Variants in GTF2F2 observed in about 807,000 individuals in gnomAD.
GTF2F2 encodes the protein ATP-dependent helicase GTF2F2.
In GTF2F2, 23 loss-of-function variants were observed where a neutral mutation model predicts 42.2. The observed-to-expected ratio is 0.55, with a 90% CI of 0.39 to 0.77. The LOEUF (loss-of-function observed/expected upper bound fraction) is 0.77, where lower values mean the gene tolerates loss of function less well. Among genes scored for constraint, GTF2F2 ranks in the 30% least tolerant of loss-of-function variants. The probability of loss-of-function intolerance (pLI) is 0.00; values close to 1 mark genes in which losing one functional copy is unlikely to be tolerated. For synonymous variants in GTF2F2, 105 were observed against 100.8 expected (o/e 1.04, Z -0.25); for missense variants, 261 against 287.2 (o/e 0.91, Z 0.66).
At chr13:45,188,819 A>G (rs141462500) in intron 4 of GTF2F2, among the ~76,000 whole-genome samples, 24 of 151,900 alleles carry the variant, frequency 1.6e-4, no homozygotes, top group East Asian at 9.7e-4. Context: ...AAGTTAACCT[A>G]TTTTTCACCA....
chr13:45,204,029 A>G (rs1447014860), intron 4 of GTF2F2, among the ~76,000 whole-genome samples: 1 of 152,128 alleles, frequency 6.6e-6, no homozygotes, highest in Non-Finnish European at 1.5e-5. Context: ...CTCATTCTCT[A>G]GAAATTTCTT....
intron 4 of GTF2F2, among the ~76,000 whole-genome samples, chr13:45,190,009 G>A (rs1235578062): frequency 2.0e-5 from 3 of 152,142 alleles, no homozygotes; most frequent in Admixed American, 6.6e-5. Flanking sequence ...AGACAAATGG[G>A]ATCTAATTAA....
At chr13:45,126,134 G>T (rs1409760772) in intron 1 of GTF2F2, among the ~76,000 whole-genome samples, 1 of 151,944 alleles carries the variant, frequency 6.6e-6, no homozygotes, top group African/African-American at 2.4e-5. Context: ...CCACTTCAGT[G>T]CTTTTAATTT....
chr13:45,195,518 A>G (rs1345024230), intron 4 of GTF2F2, among the ~76,000 whole-genome samples: 1 of 148,442 alleles, frequency 6.7e-6, no homozygotes, highest in Non-Finnish European at 1.5e-5. Context: ...TGTCATGGGT[A>G]AGTTAGTTTC....
chr13:45,136,635 T>G, intron 1 of GTF2F2, 98 bp from the exon 2 acceptor site: 1 of 668,088 alleles, frequency 1.5e-6, no homozygotes, highest in Admixed American at 2.7e-5. Context: ...TGATCCCTTA[T>G]TAGAGGCAGA....
At chr13:45,225,608 T>C (rs1874306113) in intron 5 of GTF2F2, among the ~76,000 whole-genome samples, 1 of 125,652 alleles carries the variant, frequency 8.0e-6, no homozygotes, top group African/African-American at 3.6e-5. Flanking sequence ...TGAAGCTCTG[T>C]CTCAAAAAAA....
intron 2 of GTF2F2, 90 bp downstream of exon 2, chr13:45,136,896 A>C: frequency 1.3e-6 from 1 of 758,600 alleles, no homozygotes; most frequent in East Asian, 2.6e-5. Flanking sequence ...TTCTGATCAG[A>C]GTTTACTTGG....
At chr13:45,205,905 A>T (rs1227289949) in intron 4 of GTF2F2, among the ~76,000 whole-genome samples, 1 of 152,112 alleles carries the variant, frequency 6.6e-6, no homozygotes, top group Non-Finnish European at 1.5e-5. Context: ...GATTTTCCCA[A>T]ATCTTGCTAT....
intron 7 of GTF2F2, among the ~76,000 whole-genome samples, chr13:45,274,152 C>T (rs189677559): frequency 6.2e-4 from 94 of 152,120 alleles, no homozygotes; most frequent in African/African-American, 2.2e-3. Context: ...TGTCCCAAGA[C>T]AGCGAGTTCA....
chr13:45,263,270 C>T (rs1324533615), intron 6 of GTF2F2, among the ~76,000 whole-genome samples: 1 of 151,856 alleles, frequency 6.6e-6, no homozygotes, highest in African/African-American at 2.4e-5. Flanking sequence ...CTCTGTCACC[C>T]AGGCTAGAGT....
intron 5 of GTF2F2, chr13:45,219,541 T>C (rs1226206080): frequency 6.6e-6 from 1 of 152,218 alleles, no homozygotes; most frequent in Non-Finnish European, 1.5e-5. Flanking sequence ...TTTATCTAAT[T>C]TCTGATTTTT....
At chr13:45,213,930 TC>T (rs1212247747) in intron 5 of GTF2F2, among the ~76,000 whole-genome samples, 1 of 152,180 alleles carries the variant, frequency 6.6e-6, no homozygotes, top group Non-Finnish European at 1.5e-5. Context: ...CATCAACAAA[TC>T]TGTTTTTCAA....
chr13:45,205,388 G>C (rs1345964914), intron 4 of GTF2F2, among the ~76,000 whole-genome samples: 1 of 152,174 alleles, frequency 6.6e-6, no homozygotes, highest in Non-Finnish European at 1.5e-5. Flanking sequence ...CTTGACACGT[G>C]GGGATTATAA....
intron 5 of GTF2F2, among the ~76,000 whole-genome samples, chr13:45,243,957 T>C (rs867913675): frequency 9.2e-5 from 14 of 152,190 alleles, no homozygotes; most frequent in Non-Finnish European, 1.8e-4. Flanking sequence ...CACTGCGCCC[T>C]GCCAGTTTTT....
chr13:45,132,469 C>T (rs547150351), intron 1 of GTF2F2, among the ~76,000 whole-genome samples: 1 of 150,540 alleles, frequency 6.6e-6, no homozygotes, highest in East Asian at 1.9e-4. Flanking sequence ...TTTGCCACAT[C>T]GGCCTCTTCA....
chr13:45,262,936 G>C (rs1876406508), intron 6 of GTF2F2, among the ~76,000 whole-genome samples: 6 of 151,640 alleles, frequency 4.0e-5, no homozygotes, highest in Admixed American at 2.6e-4. Context: ...TTATTGCCCA[G>C]ACTGGTCTCA....
chr13:45,184,630 A>G (rs770390934), intron 4 of GTF2F2, among the ~76,000 whole-genome samples: 3 of 152,202 alleles, frequency 2.0e-5, no homozygotes, highest in African/African-American at 4.8e-5. Context: ...TGTTTGATGC[A>G]TATTCATTTT....
intron 5 of GTF2F2, among the ~76,000 whole-genome samples, chr13:45,245,669 ATATATAT>A (rs1566149409): frequency 2.9e-4 from 9 of 31,160 alleles, no homozygotes; most frequent in African/African-American, 9.3e-4. Flanking sequence ...TGGTGTGAAT[ATATATAT>A]ATATATATAT....
rs565473337 is a variant in GTF2F2 at position 45,284,230 on chromosome 13, A to G, written c.*669A>G. On this transcript the variant is annotated 3_prime_UTR_variant, in exon 8 of 8. Transcript: ENST00000340473. ...TAATTAGAAATTAAATATCTTTCCAAAATTTGAAGATATGTCTCCCCCAGT... is the reference window on the plus strand; with the variant it reads ...TAATTAGAAATTAAATATCTTTCCAGAATTTGAAGATATGTCTCCCCCAGT... The G allele has an allele frequency of 6.6e-6, 1 of 152,278 alleles. No homozygotes were observed. The highest frequency in any genetic ancestry group is 2.1e-4 in the South Asian group (1 of 4,826). 9.4% of individuals were successfully genotyped at this position (152,278 alleles called of 1,614,324 possible). A position where few individuals can be genotyped will look rare whatever the true frequency, so the allele number is the denominator to read the frequency against.
Sources: gnomAD v4.1 joint callset for allele counts (sites outside exome capture counted in the v4.1 genomes callset) on GRCh38, gnomAD v4.1.1 for gene constraint, MANE v1.5 for transcripts, NCBI Gene and HGNC (gene_info 2026-07-23, HGNC 2026-07-21) for gene names.